Variants in SYNJ1 observed in about 807,000 individuals in gnomAD.
SYNJ1 encodes polyphosphatidylinositol phosphatase SYNJ1.
In SYNJ1, 78 loss-of-function variants were observed where a neutral mutation model predicts 168.2. The ratio of observed to expected loss-of-function variants is 0.46; its 90% CI spans 0.39 to 0.56. SYNJ1 has a LOEUF of 0.56. SYNJ1 is among the 20% of genes least tolerant of loss of function. The probability of loss-of-function intolerance (pLI) is 0.00; values close to 1 mark genes in which losing one functional copy is unlikely to be tolerated. For missense variants in SYNJ1, 1,303 were observed against 1,597.6 expected (o/e 0.82, Z 3.14); for synonymous variants, 539 against 548.6 (o/e 0.98, Z 0.24).
intron 26 of SYNJ1, among the ~76,000 whole-genome samples, 186 bp from the exon 27 acceptor site, chr21:32,643,643 C>G (rs2039945171): frequency 6.6e-6 from 1 of 152,086 alleles, no homozygotes; most frequent in Non-Finnish European, 1.5e-5. Context: ...AAATCTGAAT[C>G]CTCCCTTTAC....
intron 2 of SYNJ1, among the ~76,000 whole-genome samples, chr21:32,715,633 TAATA>T (rs2042999496): frequency 6.6e-6 from 1 of 152,144 alleles, no homozygotes; most frequent in Admixed American, 6.5e-5. Context: ...ACATAACTCA[TAATA>T]AATATTTATT....
chr21:32,690,422 G>A (rs1376856547), intron 6 of SYNJ1, among the ~76,000 whole-genome samples: 2 of 152,096 alleles, frequency 1.3e-5, no homozygotes, highest in African/African-American at 2.4e-5. Context: ...ATGTTGCCCA[G>A]GATGGTCTTG....
At chr21:32,666,387 A>G (rs755803267) in intron 16 of SYNJ1, 46 bp downstream of exon 16, 1 of 1,564,430 alleles carries the variant, frequency 6.4e-7, no homozygotes, top group Non-Finnish European at 8.6e-7. Flanking sequence ...TTTTCTTGTT[A>G]TTTAATGGTA....
At chr21:32,684,428 A>C (rs1222356294) in intron 9 of SYNJ1, among the ~76,000 whole-genome samples, 1 of 152,220 alleles carries the variant, frequency 6.6e-6, no homozygotes, top group Admixed American at 6.5e-5. Flanking sequence ...TTGCACATAA[A>C]ATAAAAATAT....
rs1350857293 is a variant in SYNJ1 at position 32,726,826 on chromosome 21, T to G, written c.70A>C (p.Thr24Pro). 6.2e-7 allele frequency: 1 copy of G among 1,614,174 alleles called. No individual in the cohort carries two copies. The highest frequency in any genetic ancestry group is 8.5e-7 in the Non-Finnish European group (1 of 1,180,032). The change falls in exon 2 of 33, where the codon ACT becomes CCT. Residue 24 changes from threonine (T) to proline (P), a missense_variant. By Grantham distance (38) the Thr-to-Pro change is conservative. Around this residue, in one of 2 missense-constraint regions of SYNJ1, gnomAD observed 920 missense variants for 1,208.8 expected, o/e 0.76. Transcript: ENST00000674351. ...ATGAGACATTCTTCCTTATGCCTAG[T>G]TTCCACTATGAGGCTGAAAGGTGGG... ...DPPPFSLIVE[T>P]RHKEECLMFE... is the part of the protein sequence containing the mutation.
In SYNJ1 at chr21:32,645,768, G is replaced by T. The variant is rs2040036777; in HGVS notation, c.3269C>A (p.Pro1090Gln). ...SAQSSPIDAQ[P>Q]ATPLPQKDPA... ...GTCTTTCTGCGGCAGCGGCGTTGCTGGCTGCGCGTCAATAGGAGAACCTAA... is the reference window on the plus strand; with the variant it reads ...GTCTTTCTGCGGCAGCGGCGTTGCTTGCTGCGCGTCAATAGGAGAACCTAA... The change falls in exon 25 of 33, where the codon CCA (proline) becomes CAA (glutamine). Residue 1090 changes from proline to glutamine, a missense_variant. By Grantham distance (76) the Pro-to-Gln change is moderately conservative. Transcript: ENST00000674351. 1.4e-6 allele frequency: 2 copies of T among 1,469,082 alleles called. No homozygotes were observed. The highest frequency in any genetic ancestry group is 2.5e-5 in the East Asian group (1 of 40,164). 91.0% of individuals were successfully genotyped at this position (1,469,082 alleles called of 1,614,324 possible). A position where few individuals can be genotyped will look rare whatever the true frequency, so the allele number is the denominator to read the frequency against.
intron 19 of SYNJ1, 62 bp downstream of exon 19, chr21:32,657,654 C>T: frequency 6.9e-7 from 1 of 1,448,000 alleles, no homozygotes; most frequent in Non-Finnish European, 9.2e-7. Flanking sequence ...GATATTATGT[C>T]ATTCCCTGCT....
At chr21:32,709,839 C>T (rs1024999564) in intron 2 of SYNJ1, among the ~76,000 whole-genome samples, 5 of 151,798 alleles carry the variant, frequency 3.3e-5, no homozygotes, top group Non-Finnish European at 7.4e-5. Context: ...CTATTAAACT[C>T]ATGTACTTAT....
At chr21:32,668,516 A>C (rs2041048214) in intron 15 of SYNJ1, among the ~76,000 whole-genome samples, 1 of 152,224 alleles carries the variant, frequency 6.6e-6, no homozygotes, top group Non-Finnish European at 1.5e-5. Context: ...ATAATCAAAC[A>C]ACAAAATGGG....
chr21:32,706,004 A>C (rs1216105663), intron 2 of SYNJ1, among the ~76,000 whole-genome samples: 1 of 152,126 alleles, frequency 6.6e-6, no homozygotes, highest in Non-Finnish European at 1.5e-5. Flanking sequence ...ACAGCAAACC[A>C]AAGTGAACAC....
In SYNJ1 at chr21:32,702,002, A is replaced by G; in HGVS notation, c.170T>C (p.Leu57Pro). The change falls in exon 3 of 33, where the codon CTG (leucine) becomes CCG (proline). Residue 57 changes from leucine (L) to proline (P), a missense_variant. Physicochemically the swap from Leu to Pro is moderately conservative, Grantham distance 98 (BLOSUM62 -3). Transcript: ENST00000674351. ...AACACCTAAGAGTCCATATGCATCCAGTACTTTGGAGTATGTACCCTTGAT... is the reference window on the plus strand; with the variant it reads ...AACACCTAAGAGTCCATATGCATCCGGTACTTTGGAGTATGTACCCTTGAT... ...EAIKGTYSKV[L>P]DAYGLLGVLR... 16 of 1,578,044 alleles carry G rather than the reference A, an allele frequency of 1.0e-5. No homozygotes were observed. The highest frequency in any genetic ancestry group is 1.4e-5 in the Non-Finnish European group (16 of 1,155,866).
At chr21:32,694,118 T>G in intron 6 of SYNJ1, 110 bp downstream of exon 6, 1 of 694,892 alleles carries the variant, frequency 1.4e-6, no homozygotes, top group Non-Finnish European at 2.2e-6. Context: ...GCTAACATTA[T>G]TAGATGGAAT....
chr21:32,667,192 T>C (rs952368127), intron 15 of SYNJ1, among the ~76,000 whole-genome samples: 12 of 152,118 alleles, frequency 7.9e-5, no homozygotes, highest in African/African-American at 2.9e-4. Context: ...AATCCAAAGA[T>C]GTCAGACCCA....
chr21:32,678,755 A>T lies in SYNJ1; in HGVS notation c.1400T>A (p.Phe467Tyr), dbSNP rs922232672. 27 of 1,613,498 alleles carry T rather than the reference A, an allele frequency of 1.7e-5. No individual in the cohort carries two copies. The highest frequency in any genetic ancestry group is 2.2e-5 in the Non-Finnish European group (26 of 1,179,732). The change falls in exon 12 of 33, where the codon TTC becomes TAC. Residue 467 changes from phenylalanine to tyrosine, a missense_variant. By Grantham distance (22) the Phe-to-Tyr change is conservative. Transcript: ENST00000674351. ...GGCCTCTTGCTTGGAGCTGTCAAAG[A>T]AGTTATTCTGAATTGTTCGGGTAAC... Reference protein sequence around the residue: ...RSVTRTIQNNFFDSSKQEAID... With the variant: ...RSVTRTIQNNYFDSSKQEAID...
At chr21:32,681,678 G>A in intron 10 of SYNJ1, 30 bp from the exon 11 acceptor site, 1 of 1,581,392 alleles carries the variant, frequency 6.3e-7, no homozygotes, top group Non-Finnish European at 8.6e-7. Flanking sequence ...ATTTTTATAA[G>A]TACATTAATA....
chr21:32,654,847 A>C (rs2040401041), intron 21 of SYNJ1, among the ~76,000 whole-genome samples: 1 of 152,214 alleles, frequency 6.6e-6, no homozygotes, highest in Non-Finnish European at 1.5e-5. Context: ...TTTAAAAATA[A>C]AGGGGTTCAC....
intron 15 of SYNJ1, among the ~76,000 whole-genome samples, chr21:32,668,013 G>A (rs1319674961): frequency 1.7e-4 from 6 of 34,518 alleles, no homozygotes; most frequent in African/African-American, 5.2e-4. Flanking sequence ...ATATATATGT[G>A]TGTGTGTGTG....
In SYNJ1 at chr21:32,631,706, C is replaced by T. The variant is rs767369716; in HGVS notation, c.*99G>A. 1 of 1,614,178 alleles carries T rather than the reference C, an allele frequency of 6.2e-7. No individual in the cohort carries two copies. The highest frequency in any genetic ancestry group is 8.5e-7 in the Non-Finnish European group (1 of 1,180,034). On this transcript the variant is annotated 3_prime_UTR_variant, in exon 33 of 33. Transcript: ENST00000674351. Reference sequence around the variant, plus strand: ...GTGACGTTTGAACAGATAGCTGAGCCTTTGATACAGCAAGCAGATTAAATG... The same window carrying T: ...GTGACGTTTGAACAGATAGCTGAGCTTTTGATACAGCAAGCAGATTAAATG...
At position 32,688,301 on chromosome 21, in the gene SYNJ1, C is replaced by T. The variant is rs758443410; in HGVS notation, c.851+5G>A. 15 of 1,612,790 alleles carry T rather than the reference C, an allele frequency of 9.3e-6. No homozygotes were observed. The Middle Eastern group carries it at 5.0e-4, about 53-fold the overall frequency. ...ACTTAAAGCACTATGTAAAAATTGT[C>T]TTACCTGTCAAAAGCAGGTGCATTG... On this transcript the variant is annotated splice_donor_5th_base_variant and intron_variant, in intron 7 of 32. Transcript: ENST00000674351.
Sources: allele counts gnomAD v4.1 joint callset (sites outside exome capture counted in the v4.1 genomes callset), GRCh38; gene constraint gnomAD v4.1.1; regional missense constraint gnomAD v4.1.1; transcripts MANE v1.5; gene names NCBI Gene and HGNC (gene_info 2026-07-23, HGNC 2026-07-21).